GKAP1: variants seen among roughly 807,000 people sequenced by gnomAD.
GKAP1 encodes G kinase-anchoring protein 1.
In GKAP1, 31 loss-of-function variants were observed where a neutral mutation model predicts 56.7. The ratio of observed to expected loss-of-function variants is 0.55; its 90% CI spans 0.41 to 0.74. The LOEUF is 0.74. GKAP1 is among the 30% of genes least tolerant of loss of function. The pLI is 0.00. For missense variants in GKAP1, 364 were observed against 402.3 expected (o/e 0.90, Z 0.82); for synonymous variants, 151 against 138.6 (o/e 1.09, Z -0.63).
chr9:83,749,695 T>A (rs1943355158), intron 9 of GKAP1, among the ~76,000 whole-genome samples: 1 of 152,202 alleles, frequency 6.6e-6, no homozygotes, highest in South Asian at 2.1e-4. Flanking sequence ...TCAAATTTTT[T>A]AAAAACAAAT....
chr9:83,812,206 C>CACAT (rs1046839486), intron 2 of GKAP1, among the ~76,000 whole-genome samples: 16 of 149,052 alleles, frequency 1.1e-4, no homozygotes, highest in African/African-American at 3.7e-4. Context: ...CATATATATA[C>CACAT]ACATACATAC....
At chr9:83,794,671 C>T (rs62561921) in intron 4 of GKAP1, among the ~76,000 whole-genome samples, 26,666 of 151,906 alleles carry the variant, frequency 0.18, 2,907 homozygotes, top group Non-Finnish European at 0.24. Flanking sequence ...TCACTGAAAC[C>T]CTTAAGAAGA....
chr9:83,776,740 C>T (rs1292137937), intron 7 of GKAP1, among the ~76,000 whole-genome samples: 1 of 152,184 alleles, frequency 6.6e-6, no homozygotes, highest in African/African-American at 2.4e-5. Context: ...GTGTTGGTAG[C>T]ATTAACAATA....
At chr9:83,788,540 T>A (rs1349436754) in intron 5 of GKAP1, 61 bp downstream of exon 5, 1 of 926,092 alleles carries the variant, frequency 1.1e-6, no homozygotes, top group Non-Finnish European at 1.6e-6. Context: ...TCAAGTAGGT[T>A]GATTTTAACC....
At chr9:83,741,357 C>T (rs1391981381) in intron 12 of GKAP1, among the ~76,000 whole-genome samples, 1 of 84,806 alleles carries the variant, frequency 1.2e-5, no homozygotes, top group African/African-American at 3.4e-5. Flanking sequence ...ATAAATATAT[C>T]TCTCACACAC....
At chr9:83,755,303 A>C (rs1031304706) in intron 8 of GKAP1, among the ~76,000 whole-genome samples, 3 of 152,212 alleles carry the variant, frequency 2.0e-5, no homozygotes, top group Non-Finnish European at 4.4e-5. Context: ...TAAGTCACTA[A>C]AAATGGTGAT....
intron 7 of GKAP1, among the ~76,000 whole-genome samples, chr9:83,769,557 TG>T (rs1319126079): frequency 6.6e-6 from 1 of 152,238 alleles, no homozygotes; most frequent in Non-Finnish European, 1.5e-5. Flanking sequence ...ATATATGGCT[TG>T]TATCAGCACT....
At chr9:83,792,350 G>A (rs1283043988) in intron 4 of GKAP1, among the ~76,000 whole-genome samples, 1 of 151,964 alleles carries the variant, frequency 6.6e-6, no homozygotes, top group Non-Finnish European at 1.5e-5. Flanking sequence ...CTATAGGGCA[G>A]AAAAAAGAGG....
rs113220107 is a variant in GKAP1, at chr9:83,754,598, T to C, written c.739-1239A>G. On this transcript the variant is annotated intron_variant, in intron 8 of 12. Coordinates refer to ENST00000376371, the MANE Select transcript of GKAP1 (RefSeq NM_025211.4). ...AGAGCTTTCCAGGTAGAAAGAACAG[T>C]ATGTTTGAAGGCCATGCAGGAAGGG... 6.6e-5 allele frequency among the ~76,000 whole-genome samples: 10 copies of C among 152,196 alleles called. 1 individual carries two copies. Among genetic ancestry groups the C allele is most frequent in the African/African-American group, 2.4e-4 (10 of 41,522 alleles).
intron 8 of GKAP1, among the ~76,000 whole-genome samples, chr9:83,760,233 C>A (rs1943546273): frequency 6.6e-6 from 1 of 151,972 alleles, no homozygotes; most frequent in South Asian, 2.1e-4. Flanking sequence ...TAATATCAGA[C>A]AAAATAGATT....
intron 12 of GKAP1, among the ~76,000 whole-genome samples, chr9:83,740,947 G>A (rs1375153865): frequency 6.6e-6 from 1 of 151,992 alleles, no homozygotes; most frequent in African/African-American, 2.4e-5. Context: ...TAAAAATTTT[G>A]CCAATATTTA....
At position 83,742,606 on chromosome 9, in the gene GKAP1, A is replaced by G; in HGVS notation, c.905-6T>C. On this transcript the variant is annotated splice_polypyrimidine_tract_variant and splice_region_variant and intron_variant, in intron 10 of 12. Transcript: ENST00000376371. ...TATTTCTGCCTTATCTTTCACTGAC[A>G]AAAAAGGAAAAACAGCAGTATAGAT... The G allele has an allele frequency of 1.2e-6, 2 of 1,602,342 alleles. No individual in the cohort carries two copies. The highest frequency in any genetic ancestry group is 1.7e-6 in the Non-Finnish European group (2 of 1,172,164).
At chr9:83,816,715 A>G (rs546531889) in intron 2 of GKAP1, among the ~76,000 whole-genome samples, 11 of 152,380 alleles carry the variant, frequency 7.2e-5, no homozygotes, top group Non-Finnish European at 1.6e-4. Flanking sequence ...AGTGTAAGAC[A>G]GACGATCTTT....
chr9:83,816,649 C>T (rs541006519), intron 2 of GKAP1, among the ~76,000 whole-genome samples: 1 of 152,334 alleles, frequency 6.6e-6, no homozygotes, highest in South Asian at 2.1e-4. Context: ...ATCCCAAGCA[C>T]ATTTACTACA....
At chr9:83,758,016 G>A (rs1164064185) in intron 8 of GKAP1, among the ~76,000 whole-genome samples, 2 of 152,066 alleles carry the variant, frequency 1.3e-5, no homozygotes, top group Non-Finnish European at 2.9e-5. Context: ...TGCCGCAAGG[G>A]TAATTAATAA....
chr9:83,748,170 T>C (rs1156454201), intron 10 of GKAP1, 139 bp downstream of exon 10: 3 of 529,816 alleles, frequency 5.7e-6, no homozygotes, highest in African/African-American at 2.0e-5. Context: ...TTTTGAAATA[T>C]ACAAATTATT....
At chr9:83,790,977 A>G (rs1944148144) in intron 4 of GKAP1, among the ~76,000 whole-genome samples, 1 of 152,226 alleles carries the variant, frequency 6.6e-6, no homozygotes. Context: ...GATATTCCAG[A>G]AATAAGTTAG....
At chr9:83,780,659 G>A (rs112400576) in intron 6 of GKAP1, among the ~76,000 whole-genome samples, 2 of 152,026 alleles carry the variant, frequency 1.3e-5, no homozygotes, top group East Asian at 1.9e-4. Context: ...CCATATCAAG[G>A]GATATTATTG....
intron 8 of GKAP1, among the ~76,000 whole-genome samples, chr9:83,765,216 C>G (rs1943641612): frequency 6.6e-6 from 1 of 152,216 alleles, no homozygotes; most frequent in Non-Finnish European, 1.5e-5. Flanking sequence ...AGGGTGCAAG[C>G]CCCAAGCCTT....
Sources: gnomAD v4.1 joint callset for allele counts (sites outside exome capture counted in the v4.1 genomes callset) on GRCh38, gnomAD v4.1.1 for gene constraint, MANE v1.5 for transcripts, NCBI Gene and HGNC (gene_info 2026-07-23, HGNC 2026-07-21) for gene names.